The following FASN variants were observed in gnomAD, a reference collection of about 807,000 sequenced individuals.
The protein encoded by FASN is fatty acid synthase, also known as 3-hydroxyacyl-[acyl-carrier-protein] dehydratase.
A neutral mutation model predicts 250.0 loss-of-function variants in FASN; 50 were observed. That is an observed-to-expected ratio of 0.20 (90% confidence interval 0.16 to 0.25). The LOEUF is 0.25. Ranked by LOEUF, FASN falls within the 10% of genes least tolerant of loss-of-function variation. The pLI is 1.00. For missense variants in FASN, 3,031 were observed against 3,498.5 expected (o/e 0.87, Z 3.37); for synonymous variants, 1,909 against 1,584.0 (o/e 1.21, Z -4.87).
Position 82,079,453 on chromosome 17 carries a change from T to C in FASN, c.7302A>G (p.Thr2434=). 6.2e-7 allele frequency: 1 copy of C among 1,612,984 alleles called. No individual in the cohort carries two copies. Among genetic ancestry groups the C allele is most frequent in the African/African-American group, 1.3e-5 (1 of 75,034 alleles). The change falls in exon 42 of 43, where the codon ACA becomes ACG. Residue 2434 remains threonine (T), a synonymous_variant. Transcript: ENST00000306749. ...YYKLRAAEQY[T]PKAKYHGNVM... ...CGTTGCCATGGTACTTGGCCTTGGG[T>C]GTGTACTGCTCAGCGGCACGCAGCT... is the stretch of plus-strand genomic sequence containing the variant.
Position 82,089,318 on chromosome 17 carries a change from C to T in FASN, c.2032G>A (p.Gly678Ser), listed in dbSNP as rs746874498. The change falls in exon 13 of 43, where the codon GGC (glycine) becomes AGC (serine). Residue 678 changes from glycine (G) to serine (S), a missense_variant. By Grantham distance (56) the Gly-to-Ser change is moderately conservative (BLOSUM62 0). Coordinates refer to ENST00000306749, the MANE Select transcript of FASN (RefSeq NM_004104.5). ...AAGTAGGAGTGGAAGGCCATACCGC[C>T]GGTCCGCACCTCCTTGGCAAACACA... ...EGVFAKEVRTGGMAFHSYFME... is the reference protein window; with the variant it reads ...EGVFAKEVRTSGMAFHSYFME... 9.9e-6 allele frequency: 16 copies of T among 1,612,824 alleles called. No homozygotes were observed. Among genetic ancestry groups the T allele is most frequent in the South Asian group, 4.4e-5 (4 of 91,088 alleles).
chr17:82,093,204 C>T lies in FASN; in HGVS notation c.655+15G>A. 6.4e-7 allele frequency: 1 copy of T among 1,565,634 alleles called. No individual in the cohort carries two copies. Among genetic ancestry groups the T allele is most frequent in the Non-Finnish European group, 8.6e-7 (1 of 1,156,194 alleles). On this transcript the variant is annotated intron_variant, in intron 5 of 42. Transcript: ENST00000306749. ...CACTGTCCCGCCTGCCCTGGCCGCG[C>T]AGCCGCACACTCACCCGCTGTGTCG...
At position 82,092,733 on chromosome 17, in the gene FASN, T is replaced by C. The variant is rs1463311201; in HGVS notation, c.858A>G (p.Ser286=). ...LYQSAGVAPE[S]FEYIEAHGTG... is the part of the protein sequence containing the mutation. ...TGCCGTGGGCTTCGATGTATTCAAA[T>C]GACTCAGGGGCCACTCCGGCCGACT... Residue 286 remains serine (S), a synonymous_variant, in exon 7 of 43, where the codon TCA becomes TCG. Coordinates refer to ENST00000306749, the MANE Select transcript of FASN (RefSeq NM_004104.5). 4 of 1,602,954 alleles carry C rather than the reference T, an allele frequency of 2.5e-6. No homozygotes were observed. In the African/African-American group the frequency reaches 4.0e-5, roughly 16 times the overall value.
chr17:82,096,733 C>T (rs2034311277), intron 1 of FASN: 1 of 476,998 alleles, frequency 2.1e-6, no homozygotes, highest in Admixed American at 3.3e-5. Context: ...AGCCCTGCAG[C>T]CCTGGCCTCC....
intron 31 of FASN, 39 bp from the exon 32 acceptor site, chr17:82,083,464 G>A (rs1381522664): frequency 1.2e-6 from 2 of 1,612,544 alleles, no homozygotes; most frequent in Non-Finnish European, 1.7e-6. Context: ...GCCTTCCACA[G>A]GTCCACCCAC....
Position 82,087,425 on chromosome 17 carries a change from C to T in FASN, c.3123G>A (p.Ser1041=), listed in dbSNP as rs146226779. ...DTMLQMSILG[S]AKHGLYLPTR... ...TGGGCAGGTACAGGCCGTGCTTGGC[C>T]GAGCCCAGGATGGACATCTGCAGCA... The change falls in exon 20 of 43, where the codon TCG becomes TCA. Residue 1041 remains serine (S), a synonymous_variant. Transcript: ENST00000306749. 2.0e-5 allele frequency: 33 copies of T among 1,612,548 alleles called. No homozygotes were observed. The highest frequency in any genetic ancestry group is 4.4e-5 in the South Asian group (4 of 91,086).
Position 82,090,395 on chromosome 17 carries a change from G to A in FASN, c.1850C>T (p.Pro617Leu), listed in dbSNP as rs45444391. The A allele has an allele frequency of 1.4e-3, 2,208 of 1,593,704 alleles. 6 individuals carry two copies. Among genetic ancestry groups the A allele is most frequent in the Non-Finnish European group, 1.7e-3 (1,968 of 1,171,572 alleles). Reference sequence around the variant, plus strand: ...CCTACCCACGGCTGCCATGGCGCCCGGCGGGAGATGGGCTTCTTTGATGCA... The same window carrying A: ...CCTACCCACGGCTGCCATGGCGCCCAGCGGGAGATGGGCTTCTTTGATGCA... ...GQCIKEAHLP[P>L]GAMAAVGLSW... Residue 617 changes from proline (P) to leucine (L), a missense_variant, in exon 11 of 43, where the codon CCG becomes CTG. By Grantham distance (98) the Pro-to-Leu change is moderately conservative (BLOSUM62 -3). Coordinates refer to ENST00000306749, the MANE Select transcript of FASN (RefSeq NM_004104.5).
chr17:82,083,551 A>G lies in FASN; in HGVS notation c.5307T>C (p.Ile1769=). The G allele has an allele frequency of 1.2e-6, 2 of 1,612,800 alleles. No individual in the cohort carries two copies. The highest frequency in any genetic ancestry group is 1.7e-6 in the Non-Finnish European group (2 of 1,179,996). The change falls in exon 31 of 43, where the codon ATT becomes ATC. Residue 1769 remains isoleucine, a synonymous_variant. Transcript: ENST00000306749. ...CLATHGRFLE[I]GKFDLSQNHP... is the part of the protein sequence containing the mutation. The stretch of plus-strand genomic sequence containing the variant: ...GGTTCTGAGAAAGGTCGAATTTGCC[A>G]ATTTCCAGGAAGCGACCGTGCGTAG...
At chr17:82,082,279 C>T in intron 35 of FASN, 44 bp downstream of exon 35, 1 of 1,609,214 alleles carries the variant, frequency 6.2e-7, no homozygotes, top group African/African-American at 1.3e-5. Context: ...CGGCCCTGAG[C>T]CCAGAGCCCG....
intron 15 of FASN, 85 bp from the exon 16 acceptor site, chr17:82,088,647 C>G: frequency 6.6e-7 from 1 of 1,513,546 alleles, no homozygotes; most frequent in Non-Finnish European, 9.1e-7. Context: ...CTGCGGTGGA[C>G]CATCCAGGGC....
rs1051796220 is a variant in FASN, at chr17:82,084,835, C to A, written c.4528G>T (p.Ala1510Ser). The change falls in exon 26 of 43, where the codon GCC becomes TCC. Residue 1510 changes from alanine to serine, a missense_variant. Physicochemically the swap from Ala to Ser is moderately conservative, Grantham distance 99 (BLOSUM62 1). Transcript: ENST00000306749. ...AGGAAGTGGCGGAAAGCCCCCCAGG[C>A]CCCGTCGCGGTAGACGTTCATCACC... ...DLVMNVYRDG[A>S]WGAFRHFLLE... The A allele has an allele frequency of 1.3e-6, 2 of 1,550,256 alleles. No individual in the cohort carries two copies. Among genetic ancestry groups the A allele is most frequent in the African/African-American group, 1.4e-5 (1 of 73,056 alleles).
At position 82,092,681 on chromosome 17, in the gene FASN, G is replaced by T. The variant is rs764956123; in HGVS notation, c.894+16C>A. 6 of 660,704 alleles carry T rather than the reference G, an allele frequency of 9.1e-6. No homozygotes were observed. In the South Asian group the frequency reaches 2.0e-4, roughly 22 times the overall value. 40.9% of individuals were successfully genotyped at this position (660,704 alleles called of 1,614,324 possible). ...GCTCATGGGGTGGTGAGTGGGGCGG[G>T]GGGGGGGGGCATCACCTTGGTGCCT... is the stretch of plus-strand genomic sequence containing the variant. On this transcript the variant is annotated intron_variant, in intron 7 of 42. Transcript: ENST00000306749.
Position 82,084,701 on chromosome 17 carries a change from G to A in FASN, c.4580C>T (p.Pro1527Leu), listed in dbSNP as rs146717183. ...GGTGCTCACAAAGGCATGTGCCGTC[G>A]GCTCCTCAGGCTTGTCTAGGGAAAC... Reference protein sequence around the residue: ...FLLEEDKPEEPTAHAFVSTLT... With the variant: ...FLLEEDKPEELTAHAFVSTLT... The change falls in exon 27 of 43, where the codon CCG becomes CTG. Residue 1527 changes from proline (P) to leucine (L), a missense_variant. Coordinates refer to ENST00000306749, the MANE Select transcript of FASN (RefSeq NM_004104.5). 98 of 1,564,688 alleles carry A rather than the reference G, an allele frequency of 6.3e-5. No homozygotes were observed. In the African/African-American group the frequency reaches 1.0e-3, roughly 16 times the overall value.
intron 18 of FASN, 44 bp from the exon 19 acceptor site, chr17:82,087,905 GGCC>G (rs2034134114): frequency 6.2e-7 from 1 of 1,612,208 alleles, no homozygotes; most frequent in Admixed American, 1.7e-5. Context: ...CGGGCGGCAT[GGCC>G]AGCGGGCACA....
intron 3 of FASN, among the ~76,000 whole-genome samples, chr17:82,094,854 C>T (rs775266543): frequency 4.0e-5 from 6 of 149,710 alleles, no homozygotes; most frequent in Non-Finnish European, 8.9e-5. Context: ...GGTCAAATGC[C>T]AGTCAGAGCG....
Position 82,080,931 on chromosome 17 carries a change from A to T in FASN, c.6596-9T>A, listed in dbSNP as rs1318518033. ...CGTGGGGCATGCCAGCTCTGTGAAGACAGGGGCAGATGCCAGGCTGGTCTG... is the reference window on the plus strand; with the variant it reads ...CGTGGGGCATGCCAGCTCTGTGAAGTCAGGGGCAGATGCCAGGCTGGTCTG... On this transcript the variant is annotated splice_polypyrimidine_tract_variant and intron_variant, in intron 38 of 42. Coordinates refer to ENST00000306749, the MANE Select transcript of FASN (RefSeq NM_004104.5). 6.3e-7 allele frequency: 1 copy of T among 1,598,460 alleles called. No homozygotes were observed. The highest frequency in any genetic ancestry group is 2.2e-5 in the East Asian group (1 of 44,448).
At position 82,085,592 on chromosome 17, in the gene FASN, C is replaced by T. The variant is rs1473902711; in HGVS notation, c.4012G>A (p.Glu1338Lys). 6.3e-7 allele frequency: 1 copy of T among 1,597,008 alleles called. No homozygotes were observed. The highest frequency in any genetic ancestry group is 8.5e-7 in the Non-Finnish European group (1 of 1,172,736). The change falls in exon 23 of 43, where the codon GAA becomes AAA. Residue 1338 changes from glutamate (E) to lysine (K), a missense_variant. Transcript: ENST00000306749. ...ALSNMVAALR[E>K]GGFLLLHTLL... ...GTGTGCAGGAGCAGAAAGCCCCCTT[C>T]TCTCAGGGCAGCCACCATGTTGCTG...
chr17:82,095,193 G>A, intron 3 of FASN, 127 bp downstream of exon 3: 2 of 1,204,086 alleles, frequency 1.7e-6, no homozygotes, highest in Admixed American at 1.7e-5. Flanking sequence ...GGCCAGGCCA[G>A]GGGCACAGCC....
At position 82,082,524 on chromosome 17, in the gene FASN, C is replaced by T. The variant is rs776164620; in HGVS notation, c.5919+3G>A. The T allele has an allele frequency of 6.2e-7, 1 of 1,608,622 alleles. No individual in the cohort carries two copies. The highest frequency in any genetic ancestry group is 8.5e-7 in the Non-Finnish European group (1 of 1,179,828). On this transcript the variant is annotated splice_donor_region_variant and intron_variant, in intron 34 of 42. Coordinates refer to ENST00000306749, the MANE Select transcript of FASN (RefSeq NM_004104.5). ...GAGGGCCCCATTTGGGGCCTTCCCT[C>T]ACCACGGCCAGGTTGAAGACGCCGC... is the stretch of plus-strand genomic sequence containing the variant.
Sources: gnomAD v4.1 joint callset for allele counts (sites outside exome capture counted in the v4.1 genomes callset) on GRCh38, gnomAD v4.1.1 for gene constraint, MANE v1.5 for transcripts, NCBI Gene and HGNC (gene_info 2026-07-23, HGNC 2026-07-21) for gene names.